The following PRIMA1 variants were observed in gnomAD, a reference collection of about 807,000 sequenced individuals.
PRIMA1 encodes proline rich membrane anchor 1, also known as proline-rich membrane anchor 1.
PRIMA1 carries 7 observed loss-of-function variants against 17.5 expected under a neutral mutation model. That is an observed-to-expected ratio of 0.40 (90% CI 0.23 to 0.75). PRIMA1 has a LOEUF of 0.75. Among genes scored for constraint, PRIMA1 ranks in the 30% least tolerant of loss-of-function variants. PRIMA1 has a pLI of 0.37. For missense variants in PRIMA1, 200 were observed against 201.8 expected (o/e 0.99, Z 0.05); for synonymous variants, 97 against 77.9 (o/e 1.25, Z -1.29).
At chr14:93,749,889 G>A (rs955835460) in intron 3 of PRIMA1, among the ~76,000 whole-genome samples, 8 of 151,946 alleles carry the variant, frequency 5.3e-5, no homozygotes, top group African/African-American at 1.9e-4. Context: ...AAAATTAGCT[G>A]GGATAAGTAA....
intron 3 of PRIMA1, among the ~76,000 whole-genome samples, chr14:93,771,137 CGTATGTGTGTGTGTGCGCAT>C (rs1195589877): frequency 9.1e-5 from 13 of 142,760 alleles, no homozygotes; most frequent in Non-Finnish European, 2.0e-4. Context: ...TGCATGTGCA[CGTATGTGTGTGTGTGCGCAT>C]GTATGTGTGT....
intron 3 of PRIMA1, among the ~76,000 whole-genome samples, chr14:93,739,972 A>G (rs2076174623): frequency 6.6e-6 from 1 of 152,148 alleles, no homozygotes; most frequent in Admixed American, 6.5e-5. Context: ...AGGCTGAGGC[A>G]GAAGAATCGC....
intron 3 of PRIMA1, among the ~76,000 whole-genome samples, chr14:93,765,945 C>T (rs1884882643): frequency 1.3e-5 from 2 of 152,118 alleles, no homozygotes; most frequent in South Asian, 4.1e-4. Flanking sequence ...TTGCCTTCAT[C>T]GATAATATAT....
chr14:93,743,708 G>A (rs948159002), intron 3 of PRIMA1, among the ~76,000 whole-genome samples: 3 of 152,254 alleles, frequency 2.0e-5, no homozygotes, highest in Non-Finnish European at 2.9e-5. Flanking sequence ...TGTGGGCCTG[G>A]TGACTCGGCC....
At chr14:93,762,320 G>A (rs538358840) in intron 3 of PRIMA1, among the ~76,000 whole-genome samples, 3 of 152,064 alleles carry the variant, frequency 2.0e-5, no homozygotes, top group South Asian at 2.1e-4. Context: ...ATTTACTGGC[G>A]GCCTCATCAA....
chr14:93,760,210 CAT>C (rs772470826), intron 3 of PRIMA1, among the ~76,000 whole-genome samples: 5 of 152,198 alleles, frequency 3.3e-5, no homozygotes, highest in East Asian at 1.9e-4. Flanking sequence ...CAGACACACA[CAT>C]GAGCGGGGAA....
rs748006256 is a variant in PRIMA1 at position 93,726,769 on chromosome 14, CCA to C, written c.360-5225_360-5224del. On this transcript the variant is annotated intron_variant, in intron 4 of 4. Coordinates refer to ENST00000393140, the MANE Select transcript of PRIMA1 (RefSeq NM_178013.4). The surrounding 1 kb of genome is among the most constrained non-coding windows in gnomAD (Gnocchi z 4.2). ...GGCACATACGCATAAATGTACAAAT[CCA>C]CACACACAAACAATATACACATACA... is the stretch of plus-strand genomic sequence containing the variant. Among the ~76,000 whole-genome samples the C allele has an allele frequency of 6.7e-4, 102 of 152,112 alleles. No homozygotes were observed. Among genetic ancestry groups the C allele is most frequent in the Admixed American group, 5.2e-4 (8 of 15,282 alleles).
chr14:93,731,209 GA>G (rs1347743404), intron 4 of PRIMA1, among the ~76,000 whole-genome samples: 2 of 106,310 alleles, frequency 1.9e-5, no homozygotes, highest in Non-Finnish European at 4.4e-5. Flanking sequence ...AGAATGAGAA[GA>G]GGGGAAGTAT....
rs1885561822 is a variant in PRIMA1 at position 93,787,631 on chromosome 14, C to G, written c.88G>C (p.Val30Leu). ...GCGCAGCCGGCGCGTCTCACCTGCACGAAGCCCCAGAGCGGGTGGAGCGCG... is the reference window on the plus strand; with the variant it reads ...GCGCAGCCGGCGCGTCTCACCTGCAGGAAGCCCCAGAGCGGGTGGAGCGCG... ...HCALHPLWGF[V>L]QVTHGEPQKS... The change falls in exon 2 of 5, where the codon GTG (valine) becomes CTG (leucine). Residue 30 changes from valine (V) to leucine (L), a missense_variant. By Grantham distance (32) the Val-to-Leu change is conservative. Transcript: ENST00000393140. The G allele has an allele frequency of 1.9e-6, 3 of 1,541,564 alleles. No homozygotes were observed. The highest frequency in any genetic ancestry group is 1.4e-5 in the African/African-American group (1 of 73,178).
At chr14:93,777,875 A>G (rs1440344281) in intron 3 of PRIMA1, among the ~76,000 whole-genome samples, 1 of 152,208 alleles carries the variant, frequency 6.6e-6, no homozygotes, top group African/African-American at 2.4e-5. Flanking sequence ...AAGGGATGCT[A>G]GCTGGGGGAT....
At position 93,768,328 on chromosome 14, in the gene PRIMA1, G is replaced by A. The variant is rs571601679; in HGVS notation, c.229+10848C>T. On this transcript the variant is annotated intron_variant, in intron 3 of 4. Coordinates refer to ENST00000393140, the MANE Select transcript of PRIMA1 (RefSeq NM_178013.4). ...GGTGCACTGTCCTCCCCACCTCTTCGCCTGCAACTCCCCCAGTCTTTTGGG... is the reference window on the plus strand; with the variant it reads ...GGTGCACTGTCCTCCCCACCTCTTCACCTGCAACTCCCCCAGTCTTTTGGG... 1.2e-4 allele frequency among the ~76,000 whole-genome samples: 19 copies of A among 152,236 alleles called. 2 individuals carry two copies. The South Asian group carries it at 4.0e-3, about 32-fold the overall frequency.
chr14:93,743,548 T>C (rs375963029), intron 3 of PRIMA1, among the ~76,000 whole-genome samples: 1 of 151,478 alleles, frequency 6.6e-6, no homozygotes, highest in African/African-American at 2.5e-5. Context: ...AGGACCCCCC[T>C]GTGCCGTAGA....
chr14:93,772,887 G>A (rs755578883), intron 3 of PRIMA1, among the ~76,000 whole-genome samples: 1 of 152,144 alleles, frequency 6.6e-6, no homozygotes, highest in Non-Finnish European at 1.5e-5. Context: ...GGTTAGTGAC[G>A]TACTCTCATT....
chr14:93,769,833 A>G (rs1213544051), intron 3 of PRIMA1, among the ~76,000 whole-genome samples: 1 of 152,174 alleles, frequency 6.6e-6, no homozygotes, highest in East Asian at 1.9e-4. Flanking sequence ...AATGTCCCAG[A>G]GCCTGGGTCC....
intron 4 of PRIMA1, among the ~76,000 whole-genome samples, chr14:93,722,804 G>A (rs996913234): frequency 0.036 from 32 of 884 alleles, no homozygotes; most frequent in African/African-American, 0.13. Context: ...AAGATGGGGT[G>A]GCGATGATAG....
At chr14:93,747,039 G>C (rs1348703579) in intron 3 of PRIMA1, among the ~76,000 whole-genome samples, 1 of 152,198 alleles carries the variant, frequency 6.6e-6, no homozygotes, top group Non-Finnish European at 1.5e-5. Context: ...TCGAGAACTG[G>C]AGGCAGGCAT....
At position 93,737,374 on chromosome 14, in the gene PRIMA1, A is replaced by T. The variant is rs1054396525; in HGVS notation, c.230-4T>A. 5.0e-6 allele frequency: 8 copies of T among 1,613,444 alleles called. No individual in the cohort carries two copies. The highest frequency in any genetic ancestry group is 6.8e-6 in the Non-Finnish European group (8 of 1,179,674). ...GGGCAAGAGGTAGAGTTGGGAGCTG[A>T]AAAAGACAGGAGCAGCCTGAGTGTC... On this transcript the variant is annotated splice_region_variant and splice_polypyrimidine_tract_variant and intron_variant, in intron 3 of 4. Coordinates refer to ENST00000393140, the MANE Select transcript of PRIMA1 (RefSeq NM_178013.4).
In PRIMA1 at chr14:93,788,434, A is replaced by G. The variant is rs1472304098; in HGVS notation, c.-56T>C. On this transcript the variant is annotated 5_prime_UTR_variant, in exon 1 of 5. Coordinates refer to ENST00000393140, the MANE Select transcript of PRIMA1 (RefSeq NM_178013.4). ...CCTTGCCTGGCGGCGGCCCCAGCCG[A>G]CCCTGGGCTCGGGGAAAAGAGGTCC... 3 of 152,118 alleles carry G rather than the reference A, an allele frequency of 2.0e-5. No individual in the cohort carries two copies. The highest frequency in any genetic ancestry group is 2.0e-4 in the Admixed American group (3 of 15,288). The allele number at this position is 152,118 out of a possible 1,614,324, so 9.4% of individuals were successfully genotyped here. A position where few individuals can be genotyped will look rare whatever the true frequency, so the allele number is the denominator to read the frequency against.
At chr14:93,754,988 C>T (rs539179287) in intron 3 of PRIMA1, among the ~76,000 whole-genome samples, 1 of 152,284 alleles carries the variant, frequency 6.6e-6, no homozygotes, top group East Asian at 1.9e-4. Flanking sequence ...GGCTTGGCTC[C>T]TCACCAGGAA....
Sources: allele counts gnomAD v4.1 joint callset (sites outside exome capture counted in the v4.1 genomes callset), GRCh38; gene constraint gnomAD v4.1.1; non-coding constraint Gnocchi (gnomAD v3.1); transcripts MANE v1.5; gene names NCBI Gene and HGNC (gene_info 2026-07-23, HGNC 2026-07-21).